The following DTWD1 variants were observed in gnomAD, a reference collection of about 807,000 sequenced individuals.
The protein encoded by DTWD1 is DTW motif tRNA-uridine aminocarboxypropyltransferase 1.
A neutral mutation model predicts 30.2 loss-of-function variants in DTWD1; 27 were observed. That is an observed-to-expected ratio of 0.90 (90% CI 0.66 to 1.23). The LOEUF (loss-of-function observed/expected upper bound fraction) is 1.23, where lower values mean the gene tolerates loss of function less well. Among genes scored for constraint, DTWD1 ranks in the 50% most tolerant of loss-of-function variants. DTWD1 has a pLI of 0.00. For synonymous variants in DTWD1, 99 were observed against 113.1 expected (o/e 0.88, Z 0.79); for missense variants, 342 against 348.8 (o/e 0.98, Z 0.15).
intron 4 of DTWD1, among the ~76,000 whole-genome samples, chr15:49,635,824 G>T (rs1248892987): frequency 1.3e-5 from 2 of 152,046 alleles, no homozygotes; most frequent in African/African-American, 4.8e-5. Context: ...TAACTTTTTT[G>T]AGTAAGAATT....
At chr15:49,642,195 C>A (rs2079073320) in intron 4 of DTWD1, among the ~76,000 whole-genome samples, 1 of 152,066 alleles carries the variant, frequency 6.6e-6, no homozygotes, top group East Asian at 1.9e-4. Context: ...CTTAGAAATT[C>A]CAGTTGGTCA....
chr15:49,634,850 C>T, intron 4 of DTWD1, 56 bp downstream of exon 4: 6 of 1,481,656 alleles, frequency 4.0e-6, no homozygotes, highest in Non-Finnish European at 5.4e-6. Flanking sequence ...TTTGAAAAAA[C>T]TTCAAACTTA....
At position 49,652,585 on chromosome 15, in the gene DTWD1, G is replaced by A. The variant is rs2079158715; in HGVS notation, c.*9007G>A. 1 of 152,284 alleles carries A rather than the reference G, an allele frequency of 6.6e-6. No individual in the cohort carries two copies. The highest frequency in any genetic ancestry group is 2.1e-4 in the South Asian group (1 of 4,830). The allele number at this position is 152,284 out of a possible 1,614,324, so 9.4% of individuals were successfully genotyped here. ...AAATCTAGAATTGATAGTGGAGGATGAGGGGATGTGACAAGTATTGATGGC... is the reference window on the plus strand; with the variant it reads ...AAATCTAGAATTGATAGTGGAGGATAAGGGGATGTGACAAGTATTGATGGC... On this transcript the variant is annotated 3_prime_UTR_variant, in exon 5 of 5. Transcript: ENST00000403028.
intron 4 of DTWD1, among the ~76,000 whole-genome samples, chr15:49,636,167 A>G (rs1470297790): frequency 6.6e-6 from 1 of 152,170 alleles, no homozygotes; most frequent in African/African-American, 2.4e-5. Flanking sequence ...TTTTTGTTGT[A>G]GCATGTATCA....
In DTWD1 at chr15:49,645,941, G is replaced by A. The variant is rs1360706950; in HGVS notation, c.*2363G>A. ...TGGCCCTAATTCTTTATCCTTGCTTGTATTCATGGTCATTTTTCAGGTTCC... is the reference window on the plus strand; with the variant it reads ...TGGCCCTAATTCTTTATCCTTGCTTATATTCATGGTCATTTTTCAGGTTCC... On this transcript the variant is annotated 3_prime_UTR_variant, in exon 5 of 5. Coordinates refer to ENST00000403028, the MANE Select transcript of DTWD1 (RefSeq NM_001144955.2). The A allele has an allele frequency of 2.6e-5, 4 of 152,028 alleles. No individual in the cohort carries two copies. The highest frequency in any genetic ancestry group is 9.7e-5 in the African/African-American group (4 of 41,392). The allele number at this position is 152,028 out of a possible 1,614,324, so 9.4% of individuals were successfully genotyped here.
Position 49,654,713 on chromosome 15 carries a change from G to A in DTWD1, c.*11135G>A, listed in dbSNP as rs2079169500. On this transcript the variant is annotated 3_prime_UTR_variant, in exon 5 of 5. Transcript: ENST00000403028. ...AACCTGAAAATACAGTGTAGTAAGA[G>A]TGGAGAGAAAGGCCACCTAAGGAAG... 2 of 151,758 alleles carry A rather than the reference G, an allele frequency of 1.3e-5. No individual in the cohort carries two copies. The highest frequency in any genetic ancestry group is 2.9e-5 in the Non-Finnish European group (2 of 67,936). 9.4% of individuals were successfully genotyped at this position (151,758 alleles called of 1,614,324 possible). A position where few individuals can be genotyped will look rare whatever the true frequency, so the allele number is the denominator to read the frequency against.
rs563848424 is a variant in DTWD1 at position 49,652,499 on chromosome 15, G to T, written c.*8921G>T. The stretch of plus-strand genomic sequence containing the variant: ...GGAACTCAGGCCTCTCAAGGAATGT[G>T]GGTCTGAATTATACCAGATAAACCA... On this transcript the variant is annotated 3_prime_UTR_variant, in exon 5 of 5. Transcript: ENST00000403028. 1 of 148,976 alleles carries T rather than the reference G, an allele frequency of 6.7e-6. No individual in the cohort carries two copies. The highest frequency in any genetic ancestry group is 1.9e-4 in the East Asian group (1 of 5,162). The allele number at this position is 148,976 out of a possible 1,614,324, so 9.2% of individuals were successfully genotyped here.
Position 49,634,638 on chromosome 15 carries a change from C to A in DTWD1, c.511C>A (p.Pro171Thr). ...TAATGTTAGAGGCAAAAATGATGAC[C>A]CTGACAAGCCATCTTTTAAACGCAA... ...QNNVRGKNDD[P>T]DKPSFKRKRT... The change falls in exon 4 of 5, where the codon CCT becomes ACT. Residue 171 changes from proline to threonine, a missense_variant. By Grantham distance (38) the Pro-to-Thr change is conservative. Transcript: ENST00000403028. 5 of 1,613,658 alleles carry A rather than the reference C, an allele frequency of 3.1e-6. No homozygotes were observed. The highest frequency in any genetic ancestry group is 4.2e-6 in the Non-Finnish European group (5 of 1,179,832).
At chr15:49,638,450 TTC>T (rs2153353581) in intron 4 of DTWD1, among the ~76,000 whole-genome samples, 1 of 152,290 alleles carries the variant, frequency 6.6e-6, no homozygotes, top group Admixed American at 6.5e-5. Context: ...CATGACCTAC[TTC>T]AACCCCTGTC....
Position 49,645,572 on chromosome 15 carries a change from T to C in DTWD1, c.*1994T>C, listed in dbSNP as rs771079432. The C allele has an allele frequency of 1.3e-5, 2 of 152,040 alleles. No homozygotes were observed. Among genetic ancestry groups the C allele is most frequent in the Non-Finnish European group, 2.9e-5 (2 of 67,996 alleles). 9.4% of individuals were successfully genotyped at this position (152,040 alleles called of 1,614,324 possible). A position where few individuals can be genotyped will look rare whatever the true frequency, so the allele number is the denominator to read the frequency against. On this transcript the variant is annotated 3_prime_UTR_variant, in exon 5 of 5. Coordinates refer to ENST00000403028, the MANE Select transcript of DTWD1 (RefSeq NM_001144955.2). ...TGAATTGATTTAAGCAGGGCCAAAG[T>C]TGGATTTCTCTAGGCTAAATTTGGA...
rs1036675559 is a variant in DTWD1 at position 49,647,548 on chromosome 15, A to G, written c.*3970A>G. 2 of 152,198 alleles carry G rather than the reference A, an allele frequency of 1.3e-5. No homozygotes were observed. The highest frequency in any genetic ancestry group is 2.9e-5 in the Non-Finnish European group (2 of 68,032). The allele number at this position is 152,198 out of a possible 1,614,324, so 9.4% of individuals were successfully genotyped here. A position where few individuals can be genotyped will look rare whatever the true frequency, so the allele number is the denominator to read the frequency against. ...ACCAAATACCATGAATGCATTAGGT[A>G]TATTTTTTGTCTTCCATGTTACTGG... On this transcript the variant is annotated 3_prime_UTR_variant, in exon 5 of 5. Coordinates refer to ENST00000403028, the MANE Select transcript of DTWD1 (RefSeq NM_001144955.2).
At chr15:49,641,684 T>G (rs958748043) in intron 4 of DTWD1, among the ~76,000 whole-genome samples, 2 of 152,128 alleles carry the variant, frequency 1.3e-5, no homozygotes, top group Non-Finnish European at 2.9e-5. Context: ...GATAGGTTGT[T>G]CTGCTGGGTT....
chr15:49,628,024 ATATT>A lies in DTWD1; in HGVS notation c.264+2595_264+2598del, dbSNP rs199674261. On this transcript the variant is annotated intron_variant, in intron 2 of 4. Coordinates refer to ENST00000403028, the MANE Select transcript of DTWD1 (RefSeq NM_001144955.2). ...AAACACATTGCACAGCTGAACAAAA[ATATT>A]TCTTTATGCTCTTATTCTGTAACCT... is the stretch of plus-strand genomic sequence containing the variant. Among the ~76,000 whole-genome samples the A allele has an allele frequency of 8.0e-3, 1,214 of 152,352 alleles. 18 individuals are homozygous for A. The highest frequency in any genetic ancestry group is 0.028 in the African/African-American group (1,176 of 41,584).
chr15:49,637,476 A>C (rs1054351715), intron 4 of DTWD1, among the ~76,000 whole-genome samples: 1 of 152,204 alleles, frequency 6.6e-6, no homozygotes, highest in African/African-American at 2.4e-5. Context: ...TAAATTCATT[A>C]CTTTTGGGAT....
In DTWD1 at chr15:49,646,638, T is replaced by G. The variant is rs1027914425; in HGVS notation, c.*3060T>G. 2.0e-5 allele frequency: 3 copies of G among 152,274 alleles called. No homozygotes were observed. Among genetic ancestry groups the G allele is most frequent in the Non-Finnish European group, 4.4e-5 (3 of 68,098 alleles). 9.4% of individuals were successfully genotyped at this position (152,274 alleles called of 1,614,324 possible). A position where few individuals can be genotyped will look rare whatever the true frequency, so the allele number is the denominator to read the frequency against. On this transcript the variant is annotated 3_prime_UTR_variant, in exon 5 of 5. Coordinates refer to ENST00000403028, the MANE Select transcript of DTWD1 (RefSeq NM_001144955.2). ...GAAAAAGCTGCTGGGTAAATTGCTC[T>G]TCTTCTGATGGACTGTATAGAGACA...
intron 4 of DTWD1, among the ~76,000 whole-genome samples, chr15:49,635,563 G>A (rs1219629512): frequency 1.3e-5 from 2 of 152,038 alleles, no homozygotes; most frequent in African/African-American, 4.8e-5. Flanking sequence ...TGCAATCTCA[G>A]CTCACTGCAA....
intron 2 of DTWD1, among the ~76,000 whole-genome samples, chr15:49,629,398 C>T (rs2078888956): frequency 6.6e-6 from 1 of 152,018 alleles, no homozygotes; most frequent in African/African-American, 2.4e-5. Context: ...CAATAACACT[C>T]CTGTGTTCTT....
chr15:49,622,706 C>T (rs572814653), intron 1 of DTWD1, among the ~76,000 whole-genome samples: 61 of 152,262 alleles, frequency 4.0e-4, no homozygotes, highest in African/African-American at 1.4e-3. Flanking sequence ...ACAGTCGAGG[C>T]AGGCTGTTGG....
At position 49,632,306 on chromosome 15, in the gene DTWD1, G is replaced by A; in HGVS notation, c.408+4G>A. On this transcript the variant is annotated splice_donor_region_variant and intron_variant, in intron 3 of 4. Transcript: ENST00000403028. ...ATATGAAGAAAAGGACCATGAAGTAGGCAACTTAGTTTTTATAACTCTTCA... is the reference window on the plus strand; with the variant it reads ...ATATGAAGAAAAGGACCATGAAGTAAGCAACTTAGTTTTTATAACTCTTCA... 6.4e-7 allele frequency: 1 copy of A among 1,572,296 alleles called. No homozygotes were observed. The highest frequency in any genetic ancestry group is 2.3e-5 in the East Asian group (1 of 43,162).
Sources: allele counts gnomAD v4.1 joint callset (sites outside exome capture counted in the v4.1 genomes callset), GRCh38; gene constraint gnomAD v4.1.1; transcripts MANE v1.5; gene names NCBI Gene and HGNC (gene_info 2026-07-23, HGNC 2026-07-21).